The following AKAP10 variants were observed in gnomAD, a reference collection of about 807,000 sequenced individuals.
AKAP10 encodes the protein A-kinase anchor protein 10, mitochondrial.
A neutral mutation model predicts 80.8 loss-of-function variants in AKAP10; 24 were observed. The ratio of observed to expected loss-of-function variants is 0.30; its 90% CI spans 0.22 to 0.42. AKAP10 has a LOEUF of 0.42. AKAP10 is among the 10% of genes least tolerant of loss of function. The probability of loss-of-function intolerance (pLI) is 1.00; values close to 1 mark genes in which losing one functional copy is unlikely to be tolerated. For synonymous variants in AKAP10, 291 were observed against 277.7 expected, an observed-to-expected ratio of 1.05 and a Z score of -0.48; for missense variants, 661 against 794.9, an observed-to-expected ratio of 0.83 and a Z score of 2.03.
At chr17:19,941,741 T>G in intron 6 of AKAP10, 85 bp downstream of exon 6, 1 of 936,230 alleles carries the variant, frequency 1.1e-6, no homozygotes, top group Non-Finnish European at 1.5e-6. Flanking sequence ...TCAAAAATAC[T>G]TTGTTTTTAG....
At chr17:19,920,838 A>G (rs1361660000) in intron 11 of AKAP10, among the ~76,000 whole-genome samples, 9 of 130,476 alleles carry the variant, frequency 6.9e-5, no homozygotes, top group African/African-American at 2.3e-4. Context: ...CCTGGGCAAC[A>G]GAGCAAGACT....
intron 4 of AKAP10, among the ~76,000 whole-genome samples, chr17:19,948,608 G>C (rs1018015391): frequency 6.6e-6 from 1 of 152,084 alleles, no homozygotes; most frequent in African/African-American, 2.4e-5. Context: ...CTGAAGTATA[G>C]GGAATCTAAA....
At chr17:19,944,587 G>A (rs1389539417) in intron 5 of AKAP10, among the ~76,000 whole-genome samples, 1 of 152,116 alleles carries the variant, frequency 6.6e-6, no homozygotes, top group Admixed American at 6.5e-5. Flanking sequence ...CCCAGGAGGC[G>A]GAGGTTGCCG....
chr17:19,917,836 T>C (rs2042763126), intron 12 of AKAP10, among the ~76,000 whole-genome samples: 1 of 151,670 alleles, frequency 6.6e-6, no homozygotes, highest in South Asian at 2.1e-4. Context: ...GGCAGAATAA[T>C]TGCTAGAACC....
chr17:19,958,339 C>T lies in AKAP10; in HGVS notation c.552G>A (p.Glu184=), dbSNP rs1269308973. Residue 184 remains glutamate, a synonymous_variant, in exon 4 of 15, where the codon GAG becomes GAA. Transcript: ENST00000225737. ...CATGCTTTTTAGATGGAGAGACAGG[C>T]TCAGCCAGTGAGCTCTGCTTCACTG... The part of the protein sequence containing the change: ...LNTVKQSSLA[E]PVSPSKKHET... 1.2e-6 allele frequency: 2 copies of T among 1,614,196 alleles called. No homozygotes were observed. Among genetic ancestry groups the T allele is most frequent in the Non-Finnish European group, 1.7e-6 (2 of 1,180,032 alleles).
At chr17:19,924,567 G>C in intron 10 of AKAP10, 50 bp from the exon 11 acceptor site, 3 of 1,240,414 alleles carry the variant, frequency 2.4e-6, no homozygotes, top group Non-Finnish European at 3.3e-6. Context: ...TCAGTCCTGG[G>C]CTTGGAATGT....
chr17:19,946,237 T>TATTTTA lies in AKAP10; in HGVS notation c.976+1169_976+1170insTAAAAT, dbSNP rs1491288818. On this transcript the variant is annotated intron_variant, in intron 5 of 14. Transcript: ENST00000225737. ...TATATATATTTTATATATATATATATTATATATATATATATATATATATAT... is the reference window on the plus strand; with the variant it reads ...TATATATATTTTATATATATATATATATTTTATATATATATATATATATATATATAT... 7.2e-4 allele frequency among the ~76,000 whole-genome samples: 11 copies of TATTTTA among 15,174 alleles called. 1 individual carries two copies. In the East Asian group the frequency reaches 0.011, roughly 16 times the overall value. 10.0% of individuals were successfully genotyped at this position (15,174 alleles called of 152,430 possible).
intron 2 of AKAP10, among the ~76,000 whole-genome samples, chr17:19,965,015 GA>G (rs1314559794): frequency 6.6e-6 from 1 of 152,236 alleles, no homozygotes; most frequent in Non-Finnish European, 1.5e-5. Context: ...TGGAGCAGAT[GA>G]AAAAGCCCTG....
At chr17:19,963,632 T>C (rs917802578) in intron 2 of AKAP10, among the ~76,000 whole-genome samples, 1 of 152,134 alleles carries the variant, frequency 6.6e-6, no homozygotes, top group Non-Finnish European at 1.5e-5. Context: ...TGGTGGCTCA[T>C]GCCTGCAATC....
At chr17:19,909,648 A>G (rs111880034) in intron 13 of AKAP10, among the ~76,000 whole-genome samples, 2 of 152,232 alleles carry the variant, frequency 1.3e-5, no homozygotes, top group Non-Finnish European at 2.9e-5. Flanking sequence ...TTTGATCTAC[A>G]CACTGATTAC....
rs375869939 is a variant in AKAP10, at chr17:19,921,713, C to T, written c.1752-1595G>A. 5.5e-4 allele frequency among the ~76,000 whole-genome samples: 84 copies of T among 151,772 alleles called. 1 individual carries two copies. Among genetic ancestry groups the T allele is most frequent in the African/African-American group, 1.9e-3 (80 of 41,392 alleles). ...TTTCAAAAAAAAATTTTTTAATCTGCCTCTTGGTACAAAGAAGCATATAAA... is the reference window on the plus strand; with the variant it reads ...TTTCAAAAAAAAATTTTTTAATCTGTCTCTTGGTACAAAGAAGCATATAAA... On this transcript the variant is annotated intron_variant, in intron 11 of 14. Coordinates refer to ENST00000225737, the MANE Select transcript of AKAP10 (RefSeq NM_007202.4).
chr17:19,924,851 G>A (rs2152411820), intron 10 of AKAP10, among the ~76,000 whole-genome samples: 1 of 152,144 alleles, frequency 6.6e-6, no homozygotes, highest in African/African-American at 2.4e-5. Context: ...AAAGTGCTGG[G>A]ATTACAGGTA....
At chr17:19,946,182 G>A (rs59629997) in intron 5 of AKAP10, among the ~76,000 whole-genome samples, 1,457 of 65,812 alleles carry the variant, frequency 0.022, 114 homozygotes, top group African/African-American at 0.065. Context: ...TACTATATAT[G>A]CATATATACT....
intron 12 of AKAP10, 73 bp downstream of exon 12, chr17:19,919,963 A>T: frequency 7.8e-7 from 1 of 1,284,372 alleles, no homozygotes; most frequent in Non-Finnish European, 1.1e-6. Context: ...TTTAAACCTT[A>T]AGTGGTCTTT....
intron 1 of AKAP10, among the ~76,000 whole-genome samples, chr17:19,972,866 C>G (rs941631634): frequency 6.6e-6 from 1 of 152,192 alleles, no homozygotes; most frequent in Non-Finnish European, 1.5e-5. Context: ...TTCCCCCTAC[C>G]TGTTCTTCTA....
intron 5 of AKAP10, among the ~76,000 whole-genome samples, chr17:19,946,214 TATATA>T (rs1463366733): frequency 2.7e-4 from 14 of 51,926 alleles, no homozygotes. Flanking sequence ...TTTATATATA[TATATA>T]TTTTATATAT....
intron 11 of AKAP10, among the ~76,000 whole-genome samples, chr17:19,920,599 T>C (rs2042799382): frequency 6.6e-6 from 1 of 152,030 alleles, no homozygotes; most frequent in East Asian, 1.9e-4. Flanking sequence ...TCCCAGTACT[T>C]TGGGATGCCG....
rs112880277 is a variant in AKAP10, at chr17:19,909,404, C to G, written c.1888-128G>C. 1.1e-3 allele frequency: 907 copies of G among 851,024 alleles called. 8 individuals are homozygous for G. In the African/African-American group the frequency reaches 0.015, roughly 14 times the overall value. 52.7% of individuals were successfully genotyped at this position (851,024 alleles called of 1,614,324 possible). A position where few individuals can be genotyped will look rare whatever the true frequency, so the allele number is the denominator to read the frequency against. ...CTTATTTGGATAAGAATTTCATTCC[C>G]ATGTACGAAAAAACCTGGGCCACCC... On this transcript the variant is annotated intron_variant, in intron 13 of 14. Coordinates refer to ENST00000225737, the MANE Select transcript of AKAP10 (RefSeq NM_007202.4).
At chr17:19,928,406 A>G (rs972475860) in intron 10 of AKAP10, among the ~76,000 whole-genome samples, 8 of 152,226 alleles carry the variant, frequency 5.3e-5, no homozygotes, top group African/African-American at 1.9e-4. Context: ...ATTTTTAAAA[A>G]CAGCCAAACA....
Sources: gnomAD v4.1 joint callset for allele counts (sites outside exome capture counted in the v4.1 genomes callset) on GRCh38, gnomAD v4.1.1 for gene constraint, MANE v1.5 for transcripts, NCBI Gene and HGNC (gene_info 2026-07-23, HGNC 2026-07-21) for gene names.